Variants in SAMD4A observed in about 807,000 individuals in gnomAD.
The protein encoded by SAMD4A is sterile alpha motif domain containing 4A.
A neutral mutation model predicts 81.3 loss-of-function variants in SAMD4A; 33 were observed. That is an observed-to-expected ratio of 0.41 (90% CI 0.31 to 0.54). SAMD4A has a LOEUF of 0.54. Among genes scored for constraint, SAMD4A ranks in the 20% least tolerant of loss-of-function variants. The pLI is 0.37. For synonymous variants in SAMD4A, 389 were observed against 382.1 expected, an observed-to-expected ratio of 1.02 and a Z score of -0.21; for missense variants, 854 against 951.1, an observed-to-expected ratio of 0.90 and a Z score of 1.34.
Position 54,645,956 on chromosome 14 carries a change from T to C in SAMD4A, c.197-56106T>C, listed in dbSNP as rs181099849. Among the ~76,000 whole-genome samples the C allele has an allele frequency of 1.8e-3, 272 of 152,358 alleles. 1 individual carries two copies. Among genetic ancestry groups the C allele is most frequent in the African/African-American group, 6.2e-3 (256 of 41,588 alleles). On this transcript the variant is annotated intron_variant, in intron 2 of 12. Coordinates refer to ENST00000554335, the MANE Select transcript of SAMD4A (RefSeq NM_015589.6). ...ATTATTCTTTTTTCAAATAAGGAAGTGTTAGAGGCTTTCCTAAACTAACTG... is the reference window on the plus strand; with the variant it reads ...ATTATTCTTTTTTCAAATAAGGAAGCGTTAGAGGCTTTCCTAAACTAACTG...
rs200490920 is a variant in SAMD4A, at chr14:54,784,529, G to A, written c.2045-8G>A. On this transcript the variant is annotated splice_region_variant and splice_polypyrimidine_tract_variant and intron_variant, in intron 11 of 12. Transcript: ENST00000554335. ...CTTGTCACCAACATAACCCTTTATC[G>A]CCTGCAGAATTCCAGCTTCCCGTGA... The A allele has an allele frequency of 1.3e-4, 209 of 1,614,076 alleles. No homozygotes were observed. The highest frequency in any genetic ancestry group is 3.6e-4 in the East Asian group (16 of 44,882).
At chr14:54,774,458 C>A (rs1335893236) in intron 9 of SAMD4A, among the ~76,000 whole-genome samples, 1 of 152,138 alleles carries the variant, frequency 6.6e-6, no homozygotes, top group African/African-American at 2.4e-5. Context: ...AATCCCAGCA[C>A]TTTGAGAGGC....
At chr14:54,673,980 CAT>C (rs1566577817) in intron 2 of SAMD4A, among the ~76,000 whole-genome samples, 1 of 152,208 alleles carries the variant, frequency 6.6e-6, no homozygotes, top group East Asian at 1.9e-4. Flanking sequence ...TACTCTGAGT[CAT>C]CAGACGCCAC....
intron 2 of SAMD4A, among the ~76,000 whole-genome samples, chr14:54,602,721 C>A (rs962717331): frequency 1.3e-5 from 2 of 151,766 alleles, no homozygotes; most frequent in African/African-American, 4.8e-5. Flanking sequence ...GGGTGCAGCA[C>A]ACCAACACGG....
chr14:54,780,587 A>AGG (rs1486653566), intron 11 of SAMD4A, among the ~76,000 whole-genome samples: 1 of 152,210 alleles, frequency 6.6e-6, no homozygotes, highest in Non-Finnish European at 1.5e-5. Flanking sequence ...ATCCCTGTTC[A>AGG]GGACTGGCAG....
chr14:54,762,499 C>T lies in SAMD4A; in HGVS notation c.1511-1956C>T, dbSNP rs994598964. On this transcript the variant is annotated intron_variant, in intron 7 of 12. Transcript: ENST00000554335. Reference sequence around the variant, plus strand: ...GAGCTTGATGGCCAGGGTGGGCCCTCGCTCTCCCCCACCCACCCCTTAGCT... The same window carrying T: ...GAGCTTGATGGCCAGGGTGGGCCCTTGCTCTCCCCCACCCACCCCTTAGCT... Among the ~76,000 whole-genome samples, 8 of 152,122 alleles carry T rather than the reference C, an allele frequency of 5.3e-5. No homozygotes were observed. The South Asian group carries it at 1.0e-3, about 20-fold the overall frequency.
intron 6 of SAMD4A, among the ~76,000 whole-genome samples, chr14:54,753,109 C>T (rs916407260): frequency 6.6e-6 from 1 of 152,248 alleles, no homozygotes; most frequent in African/African-American, 2.4e-5. Flanking sequence ...AGACAGTGGC[C>T]TTCCTCTATC....
intron 3 of SAMD4A, among the ~76,000 whole-genome samples, chr14:54,729,309 T>G (rs2037501103): frequency 6.6e-6 from 1 of 152,198 alleles, no homozygotes; most frequent in South Asian, 2.1e-4. Context: ...TGCATAGGCA[T>G]GTGAGCTGAT....
intron 2 of SAMD4A, among the ~76,000 whole-genome samples, chr14:54,684,265 C>G (rs1340988800): frequency 6.6e-6 from 1 of 152,192 alleles, no homozygotes; most frequent in Non-Finnish European, 1.5e-5. Flanking sequence ...AACAGCACCC[C>G]CAAATCGCTG....
chr14:54,686,483 T>G (rs2036272840), intron 2 of SAMD4A, among the ~76,000 whole-genome samples: 1 of 152,130 alleles, frequency 6.6e-6, no homozygotes, highest in Non-Finnish European at 1.5e-5. Flanking sequence ...TGAATGTCAC[T>G]TACTTGGAAT....
upstream of SAMD4A, among the ~76,000 whole-genome samples, chr14:54,565,647 A>G (rs2032906381): frequency 6.6e-6 from 1 of 151,592 alleles, no homozygotes; most frequent in East Asian, 2.0e-4. This position sits in a 1 kb window ranked among gnomAD's most constrained non-coding sequence, Gnocchi z 5.4. Flanking sequence ...CCGGGGCCCC[A>G]GAAGGGCCGA....
intron 2 of SAMD4A, among the ~76,000 whole-genome samples, chr14:54,637,983 G>C (rs1164265425): frequency 6.6e-6 from 1 of 152,188 alleles, no homozygotes; most frequent in African/African-American, 2.4e-5. Context: ...AAGGTCTCCA[G>C]CATCAAAGTG....
At chr14:54,614,240 T>G (rs2034437948) in intron 2 of SAMD4A, among the ~76,000 whole-genome samples, 2 of 152,214 alleles carry the variant, frequency 1.3e-5, no homozygotes, top group African/African-American at 4.8e-5. Flanking sequence ...TCATAAAACA[T>G]GTAATTTATG....
intron 2 of SAMD4A, among the ~76,000 whole-genome samples, chr14:54,611,566 C>T (rs1026914156): frequency 6.6e-6 from 1 of 152,162 alleles, no homozygotes; most frequent in African/African-American, 2.4e-5. Context: ...CTATCAAACA[C>T]TGAGTTTGAC....
At chr14:54,661,895 G>C (rs953233316) in intron 2 of SAMD4A, among the ~76,000 whole-genome samples, 1 of 152,096 alleles carries the variant, frequency 6.6e-6, no homozygotes, top group Non-Finnish European at 1.5e-5. Context: ...TGCAGGCTAG[G>C]TAACAGGAAT....
At chr14:54,628,006 T>C (rs1314909282) in intron 2 of SAMD4A, among the ~76,000 whole-genome samples, 4 of 152,086 alleles carry the variant, frequency 2.6e-5, no homozygotes, top group African/African-American at 9.7e-5. Flanking sequence ...TATTTTAGCA[T>C]ATCAAGATTC....
At chr14:54,667,854 AC>A (rs2035789031) in intron 2 of SAMD4A, among the ~76,000 whole-genome samples, 1 of 152,170 alleles carries the variant, frequency 6.6e-6, no homozygotes, top group Admixed American at 6.5e-5. Context: ...AATGGAGAGA[AC>A]TGTGGACAAG....
At chr14:54,729,221 C>A (rs2037498391) in intron 3 of SAMD4A, among the ~76,000 whole-genome samples, 3 of 151,930 alleles carry the variant, frequency 2.0e-5, no homozygotes, top group African/African-American at 7.3e-5. Context: ...TTGCTGGTTC[C>A]CACACTCAGT....
At chr14:54,633,340 T>C (rs8015033) in intron 2 of SAMD4A, among the ~76,000 whole-genome samples, 4 of 152,004 alleles carry the variant, frequency 2.6e-5, no homozygotes, top group African/African-American at 9.7e-5. Context: ...CCAGTTTGGC[T>C]GGAGACTGGT....
Sources: allele counts gnomAD v4.1 joint callset (sites outside exome capture counted in the v4.1 genomes callset), GRCh38; gene constraint gnomAD v4.1.1; non-coding constraint Gnocchi (gnomAD v3.1); transcripts MANE v1.5; gene names NCBI Gene and HGNC (gene_info 2026-07-23, HGNC 2026-07-21).